SNRPC: variants seen among roughly 807,000 people sequenced by gnomAD.
SNRPC encodes U1 small nuclear ribonucleoprotein C.
Under a neutral mutation model 20.0 loss-of-function variants are expected in SNRPC, and 5 were observed. That is an observed-to-expected ratio of 0.25 (90% confidence interval 0.13 to 0.53). SNRPC has a LOEUF of 0.53. Ranked by LOEUF, SNRPC falls within the 20% of genes least tolerant of loss-of-function variation. SNRPC has a pLI of 0.96. For synonymous variants in SNRPC, 61 were observed against 58.7 expected (o/e 1.04, Z -0.18); for missense variants, 112 against 224.1 (o/e 0.50, Z 3.19).
At chr6:34,757,672 G>A in intron 1 of SNRPC, 121 bp downstream of exon 1, 1 of 1,374,344 alleles carries the variant, frequency 7.3e-7, no homozygotes, top group Non-Finnish European at 1.0e-6. Context: ...TGGGCCGGGT[G>A]GACGGAGGCA....
Position 34,768,011 on chromosome 6 carries a change from TTTAATC to T in SNRPC, c.250+19_250+24del. The T allele has an allele frequency of 6.2e-7, 1 of 1,606,550 alleles. No homozygotes were observed. Among genetic ancestry groups the T allele is most frequent in the Non-Finnish European group, 8.5e-7 (1 of 1,177,448 alleles). The stretch of plus-strand genomic sequence containing the variant: ...CCCCCAGCCTTCGTAAGTTTAAACT[TTTAATC>T]TTAAGGGGTGTGACGGGGCAGGCTA... On this transcript the variant is annotated intron_variant, in intron 4 of 5. Transcript: ENST00000244520.
chr6:34,757,582 C>T lies in SNRPC; in HGVS notation c.8+31C>T, dbSNP rs761415580. 2.5e-6 allele frequency: 4 copies of T among 1,607,792 alleles called. No individual in the cohort carries two copies. The South Asian group carries it at 3.3e-5, about 13-fold the overall frequency. ...TGGGGCCCCGAAATCTGAGGGTGAT[C>T]GTAGTCACTAGTTGTGGCCCCCATG... On this transcript the variant is annotated intron_variant, in intron 1 of 5. Coordinates refer to ENST00000244520, the MANE Select transcript of SNRPC (RefSeq NM_003093.3).
intron 3 of SNRPC, among the ~76,000 whole-genome samples, chr6:34,765,449 T>C (rs946722511): frequency 2.0e-5 from 3 of 151,978 alleles, no homozygotes; most frequent in African/African-American, 7.2e-5. Flanking sequence ...ATTTTATTTA[T>C]TTATTGAGAT....
At chr6:34,771,581 C>T (rs988748681) in intron 5 of SNRPC, among the ~76,000 whole-genome samples, 124 of 152,214 alleles carry the variant, frequency 8.1e-4, no homozygotes, top group African/African-American at 2.9e-3. Context: ...AGAAGCTATT[C>T]TCTTTTCACA....
At chr6:34,758,039 G>A in intron 2 of SNRPC, 85 bp downstream of exon 2, 2 of 1,442,058 alleles carry the variant, frequency 1.4e-6, no homozygotes, top group Non-Finnish European at 9.4e-7. Flanking sequence ...GTTGCAAGTT[G>A]TGCTTTCCCA....
At chr6:34,758,332 TG>T (rs1019489381) in intron 2 of SNRPC, among the ~76,000 whole-genome samples, 6 of 152,158 alleles carry the variant, frequency 3.9e-5, no homozygotes, top group African/African-American at 1.4e-4. Flanking sequence ...TTTTTTTTTT[TG>T]AAACGGAGTT....
chr6:34,765,562 G>A (rs373530083), intron 3 of SNRPC, among the ~76,000 whole-genome samples: 16 of 151,694 alleles, frequency 1.1e-4, no homozygotes, highest in South Asian at 2.1e-4. Flanking sequence ...TCAGCCTCCC[G>A]AGTAGCTGGG....
intron 4 of SNRPC, among the ~76,000 whole-genome samples, chr6:34,768,453 TAGAA>T (rs760264496): frequency 2.6e-5 from 4 of 152,080 alleles, no homozygotes; most frequent in Non-Finnish European, 5.9e-5. Flanking sequence ...ATCTATACCT[TAGAA>T]AGATAAGAAT....
At chr6:34,761,085 T>G (rs902117259) in intron 2 of SNRPC, among the ~76,000 whole-genome samples, 3 of 151,708 alleles carry the variant, frequency 2.0e-5, no homozygotes, top group Middle Eastern at 6.9e-3. Context: ...AAAAGAAATG[T>G]GTAAAAACAT....
intron 5 of SNRPC, 135 bp downstream of exon 5, chr6:34,770,530 G>A: frequency 8.4e-6 from 5 of 593,024 alleles, no homozygotes; most frequent in South Asian, 4.3e-5. Flanking sequence ...CTCTGAGGGT[G>A]GAATATTTAC....
rs369537736 is a variant in SNRPC at position 34,773,597 on chromosome 6, G to A, written c.*27G>A. The A allele has an allele frequency of 2.1e-5, 34 of 1,606,714 alleles. No individual in the cohort carries two copies. Among genetic ancestry groups the A allele is most frequent in the South Asian group, 4.4e-5 (4 of 90,854 alleles). On this transcript the variant is annotated 3_prime_UTR_variant, in exon 6 of 6. Coordinates refer to ENST00000244520, the MANE Select transcript of SNRPC (RefSeq NM_003093.3). The surrounding 1 kb of genome is among the most constrained non-coding windows in gnomAD (Gnocchi z 4.1). ...GATAGAGGGGAGGCCTTATTGTATCGGTTTTATATTACCTGTTCTGCTTCA... is the reference window on the plus strand; with the variant it reads ...GATAGAGGGGAGGCCTTATTGTATCAGTTTTATATTACCTGTTCTGCTTCA...
chr6:34,758,937 G>T (rs2127405340), intron 2 of SNRPC, among the ~76,000 whole-genome samples: 1 of 148,536 alleles, frequency 6.7e-6, no homozygotes, highest in South Asian at 2.1e-4. Context: ...GGAGAATGGC[G>T]TGAACCTCGG....
At chr6:34,761,670 G>A (rs1363307844) in intron 2 of SNRPC, among the ~76,000 whole-genome samples, 2 of 151,156 alleles carry the variant, frequency 1.3e-5, no homozygotes, top group African/African-American at 4.9e-5. Flanking sequence ...ACAGGTGCCC[G>A]CCACCATACT....
At chr6:34,771,883 A>C (rs561997793) in intron 5 of SNRPC, among the ~76,000 whole-genome samples, 1 of 152,226 alleles carries the variant, frequency 6.6e-6, no homozygotes, top group Non-Finnish European at 1.5e-5. Context: ...CCAGGCTCAC[A>C]AATTCAAATT....
intron 2 of SNRPC, among the ~76,000 whole-genome samples, chr6:34,761,912 A>C (rs145631369): frequency 2.1e-3 from 322 of 152,210 alleles, no homozygotes; most frequent in African/African-American, 7.2e-3. Context: ...TCCTGGGCTC[A>C]AACGTGCTTC....
chr6:34,760,001 T>C (rs1285522993), intron 2 of SNRPC, among the ~76,000 whole-genome samples: 1 of 152,222 alleles, frequency 6.6e-6, no homozygotes, highest in East Asian at 1.9e-4. Flanking sequence ...GTCACCTTAT[T>C]TGAAATTCTT....
chr6:34,758,831 G>A (rs1421650813), intron 2 of SNRPC, among the ~76,000 whole-genome samples: 2 of 151,706 alleles, frequency 1.3e-5, no homozygotes, highest in Admixed American at 1.3e-4. Context: ...TCGAGACCAC[G>A]GTGAAACCCC....
chr6:34,762,870 C>T (rs1282086707), intron 3 of SNRPC, among the ~76,000 whole-genome samples, 167 bp downstream of exon 3: 2 of 152,156 alleles, frequency 1.3e-5, no homozygotes, highest in Non-Finnish European at 2.9e-5. Flanking sequence ...GATATAAGAA[C>T]ACATTAATAT....
intron 3 of SNRPC, among the ~76,000 whole-genome samples, chr6:34,767,531 C>A (rs768362926): frequency 9.9e-5 from 15 of 152,192 alleles, no homozygotes; most frequent in Non-Finnish European, 1.2e-4. Context: ...AGAGGGTCAC[C>A]TGAGCCCGGG....
Sources: allele counts gnomAD v4.1 joint callset (sites outside exome capture counted in the v4.1 genomes callset), GRCh38; gene constraint gnomAD v4.1.1; non-coding constraint Gnocchi (gnomAD v3.1); transcripts MANE v1.5; gene names NCBI Gene and HGNC (gene_info 2026-07-23, HGNC 2026-07-21).